CDK19: variants seen among roughly 807,000 people sequenced by gnomAD.
The protein encoded by CDK19 is cyclin dependent kinase 19.
CDK19 carries 20 observed loss-of-function variants against 68.3 expected under a neutral mutation model. The observed-to-expected ratio is 0.29, with a 90% CI of 0.21 to 0.43. The LOEUF (loss-of-function observed/expected upper bound fraction) is 0.43, where lower values mean the gene tolerates loss of function less well. Among genes scored for constraint, CDK19 ranks in the 20% least tolerant of loss-of-function variants. The probability of loss-of-function intolerance (pLI) is 1.00; values close to 1 mark genes in which losing one functional copy is unlikely to be tolerated. For synonymous variants in CDK19, 221 were observed against 222.8 expected (o/e 0.99, Z 0.07); for missense variants, 339 against 623.5 (o/e 0.54, Z 4.86).
chr6:110,682,548 G>A (rs999554345), intron 2 of CDK19, among the ~76,000 whole-genome samples: 1 of 151,988 alleles, frequency 6.6e-6, no homozygotes, highest in Non-Finnish European at 1.5e-5. Context: ...CTCTGAAAAG[G>A]GGTCTGTACA....
intron 1 of CDK19, among the ~76,000 whole-genome samples, chr6:110,780,444 AATCTTCTATCAAGGTATATATCAGAAGAC>A (rs1167532471): frequency 1.0e-3 from 157 of 151,788 alleles, no homozygotes; most frequent in African/African-American, 3.6e-3. Flanking sequence ...CACAACACAA[AATCTTCTATCAAGGTATATATCAGAAGAC>A]ATCAGAATTT....
chr6:110,668,381 A>T (rs971157798), intron 3 of CDK19, among the ~76,000 whole-genome samples: 15 of 152,220 alleles, frequency 9.9e-5, no homozygotes, highest in Non-Finnish European at 2.2e-4. Context: ...AAAATTATTA[A>T]GCTATTTATA....
chr6:110,704,156 G>T (rs1384315457), intron 2 of CDK19, among the ~76,000 whole-genome samples: 3 of 152,112 alleles, frequency 2.0e-5, no homozygotes, highest in Non-Finnish European at 4.4e-5. Flanking sequence ...CTCCTGTTTG[G>T]TCAAGACAGA....
At chr6:110,674,629 G>A (rs998509288) in intron 2 of CDK19, among the ~76,000 whole-genome samples, 6 of 152,202 alleles carry the variant, frequency 3.9e-5, no homozygotes, top group Admixed American at 6.5e-5. Flanking sequence ...CTGGCTGGGC[G>A]AGGTGGCTCA....
rs369106433 is a variant in CDK19, at chr6:110,799,144, TAAAA to T, written c.128+15861_128+15864del. On this transcript the variant is annotated intron_variant, in intron 1 of 12. Coordinates refer to ENST00000368911, the MANE Select transcript of CDK19 (RefSeq NM_015076.5). The stretch of plus-strand genomic sequence containing the variant: ...GGTGTTAAGAGTAAAACCCTGTATT[TAAAA>T]AAAAAAAAAAAAAAAAAAAAAATTC... Among the ~76,000 whole-genome samples the T allele has an allele frequency of 2.7e-3, 135 of 49,136 alleles. 2 individuals carry two copies. The highest frequency in any genetic ancestry group is 4.5e-3 in the African/African-American group (50 of 11,124). The allele number at this position is 49,136 out of a possible 152,430, so 32.2% of individuals were successfully genotyped here. A position where few individuals can be genotyped will look rare whatever the true frequency, so the allele number is the denominator to read the frequency against.
At chr6:110,808,086 C>T (rs1434061991) in intron 1 of CDK19, among the ~76,000 whole-genome samples, 1 of 152,152 alleles carries the variant, frequency 6.6e-6, no homozygotes, top group Non-Finnish European at 1.5e-5. Flanking sequence ...TATTTATCCA[C>T]ACCCTGATTT....
chr6:110,667,203 CTGA>C (rs577293125), intron 4 of CDK19, among the ~76,000 whole-genome samples: 2 of 152,110 alleles, frequency 1.3e-5, no homozygotes, highest in Non-Finnish European at 2.9e-5. Context: ...CAAAATCACA[CTGA>C]TATTTTACAG....
chr6:110,631,885 C>A, intron 6 of CDK19, 145 bp downstream of exon 6: 4 of 714,576 alleles, frequency 5.6e-6, no homozygotes, highest in Non-Finnish European at 9.4e-6. Flanking sequence ...CAATCTAAAT[C>A]TACCAGAAAT....
chr6:110,617,660 T>TACACACACACACAC (rs1317691490), intron 12 of CDK19, among the ~76,000 whole-genome samples: 1 of 66,834 alleles, frequency 1.5e-5, no homozygotes, highest in African/African-American at 8.6e-5. Flanking sequence ...TTTATATATA[T>TACACACACACACAC]ATACACACAC....
intron 2 of CDK19, among the ~76,000 whole-genome samples, chr6:110,702,395 T>A (rs1774084291): frequency 6.6e-6 from 1 of 152,096 alleles, no homozygotes. Context: ...GCTACAGAGT[T>A]GTGACTGTGC....
intron 12 of CDK19, among the ~76,000 whole-genome samples, chr6:110,618,637 C>T (rs1467490559): frequency 4.6e-5 from 7 of 152,152 alleles, no homozygotes; most frequent in African/African-American, 1.7e-4. Flanking sequence ...AGTTGTATGC[C>T]TTTCTGTCCT....
At chr6:110,794,234 T>C (rs1305562163) in intron 1 of CDK19, among the ~76,000 whole-genome samples, 1 of 151,104 alleles carries the variant, frequency 6.6e-6, no homozygotes, top group African/African-American at 2.4e-5. Flanking sequence ...TTAGTAGAGA[T>C]GGGTTTTCAC....
intron 2 of CDK19, among the ~76,000 whole-genome samples, chr6:110,678,144 G>T (rs1771690128): frequency 6.6e-6 from 1 of 152,136 alleles, no homozygotes; most frequent in African/African-American, 2.4e-5. Flanking sequence ...CACCACACTA[G>T]CCCAGAAAGA....
chr6:110,787,249 T>C (rs1348861270), intron 1 of CDK19, among the ~76,000 whole-genome samples: 1 of 151,938 alleles, frequency 6.6e-6, no homozygotes, highest in Non-Finnish European at 1.5e-5. Flanking sequence ...TGGTGCATGT[T>C]TGTAATCCCA....
intron 2 of CDK19, among the ~76,000 whole-genome samples, chr6:110,720,505 T>G (rs1775780089): frequency 6.6e-6 from 1 of 152,168 alleles, no homozygotes; most frequent in Non-Finnish European, 1.5e-5. Flanking sequence ...AAAACAGTAA[T>G]TATTTGATGG....
chr6:110,648,460 C>G (rs1414920086), intron 4 of CDK19, among the ~76,000 whole-genome samples: 4 of 151,472 alleles, frequency 2.6e-5, no homozygotes, highest in African/African-American at 9.7e-5. Flanking sequence ...CAAGAAAAAC[C>G]ATACAATGCC....
chr6:110,637,531 T>G (rs891457120), intron 5 of CDK19, among the ~76,000 whole-genome samples: 3 of 152,164 alleles, frequency 2.0e-5, no homozygotes, highest in African/African-American at 7.2e-5. Flanking sequence ...GGGCTTGAAA[T>G]AGGGCAGCAT....
intron 1 of CDK19, among the ~76,000 whole-genome samples, chr6:110,759,196 C>G (rs1055711977): frequency 2.0e-5 from 3 of 150,440 alleles, no homozygotes; most frequent in East Asian, 1.9e-4. Flanking sequence ...GTCAGGAGAT[C>G]GAGACCATTC....
intron 1 of CDK19, among the ~76,000 whole-genome samples, chr6:110,749,071 C>T (rs1000883807): frequency 1.3e-5 from 2 of 152,016 alleles, no homozygotes; most frequent in Admixed American, 6.6e-5. Flanking sequence ...TCTACATTTT[C>T]GTGTATATTA....
Sources: gnomAD v4.1 joint callset for allele counts (sites outside exome capture counted in the v4.1 genomes callset) on GRCh38, gnomAD v4.1.1 for gene constraint, MANE v1.5 for transcripts, NCBI Gene and HGNC (gene_info 2026-07-23, HGNC 2026-07-21) for gene names.